ASTN2: variants seen among roughly 807,000 people sequenced by gnomAD.
The protein encoded by ASTN2 is astrotactin 2, also known as astrotactin-2.
A neutral mutation model predicts 139.8 loss-of-function variants in ASTN2; 54 were observed. The ratio of observed to expected loss-of-function variants is 0.39; its 90% CI spans 0.31 to 0.48. The LOEUF is 0.48. Ranked by LOEUF, ASTN2 falls within the 20% of genes least tolerant of loss-of-function variation. The pLI is 0.95. For missense variants in ASTN2, 1,565 were observed against 1,725.1 expected (o/e 0.91, Z 1.64); for synonymous variants, 756 against 719.5 (o/e 1.05, Z -0.81).
chr9:116,987,913 A>G (rs1836731835), intron 7 of ASTN2, among the ~76,000 whole-genome samples: 1 of 152,358 alleles, frequency 6.6e-6, no homozygotes. Context: ...TAGCATATAC[A>G]GCGTGGATAC....
intron 5 of ASTN2, among the ~76,000 whole-genome samples, chr9:117,049,004 C>T (rs987174978): frequency 9.5e-6 from 1 of 104,838 alleles, no homozygotes; most frequent in African/African-American, 3.2e-5. Context: ...GCTCTGTTGC[C>T]CTGGCTGGAG....
chr9:117,185,887 G>T (rs114686350), intron 3 of ASTN2, among the ~76,000 whole-genome samples: 11 of 152,198 alleles, frequency 7.2e-5, no homozygotes, highest in Non-Finnish European at 1.3e-4. Flanking sequence ...TGAGCCAATT[G>T]CTGTTATATC....
intron 13 of ASTN2, among the ~76,000 whole-genome samples, chr9:116,774,475 C>A (rs956763207): frequency 1.3e-5 from 2 of 152,106 alleles, no homozygotes; most frequent in Non-Finnish European, 2.9e-5. Context: ...TTATTATATA[C>A]CTTCTGTGGT....
In ASTN2 at chr9:116,618,448, C is replaced by T. The variant is rs769374160; in HGVS notation, c.3231G>A (p.Glu1077=). The T allele has an allele frequency of 9.9e-6, 16 of 1,613,440 alleles. No individual in the cohort carries two copies. Among genetic ancestry groups the T allele is most frequent in the Non-Finnish European group, 1.2e-5 (14 of 1,179,724 alleles). The part of the protein sequence containing the change: ...QPVLRLSPTV[E]PSSTVVSLEW... ...CCAAGGAGACCACAGTACTGGAGGG[C>T]TCCACTGTTGGGGACAGCCGCAGCC... is the stretch of plus-strand genomic sequence containing the variant. The change falls in exon 19 of 23, where the codon GAG becomes GAA. Residue 1077 remains glutamate (E), a synonymous_variant. Transcript: ENST00000313400.
At chr9:117,074,699 A>G (rs2132715055) in intron 5 of ASTN2, among the ~76,000 whole-genome samples, 1 of 152,306 alleles carries the variant, frequency 6.6e-6, no homozygotes, top group African/African-American at 2.4e-5. Context: ...GCAGGGTGCC[A>G]AGAACTATAC....
At chr9:116,778,964 G>C (rs1290871297) in intron 13 of ASTN2, among the ~76,000 whole-genome samples, 1 of 152,166 alleles carries the variant, frequency 6.6e-6, no homozygotes, top group Non-Finnish European at 1.5e-5. Context: ...GTTAGGTACA[G>C]TCAGAATGTA....
At chr9:116,623,746 C>T (rs1856293698) in intron 17 of ASTN2, among the ~76,000 whole-genome samples, 1 of 152,206 alleles carries the variant, frequency 6.6e-6, no homozygotes, top group East Asian at 1.9e-4. Flanking sequence ...TCAATACCCA[C>T]TTACAGAAAA....
chr9:116,704,472 A>G (rs1316666216), intron 16 of ASTN2, among the ~76,000 whole-genome samples: 1 of 152,200 alleles, frequency 6.6e-6, no homozygotes, highest in East Asian at 1.9e-4. Flanking sequence ...AAAATGAATG[A>G]CAGTTTATGT....
chr9:117,140,244 T>G (rs1252127220), intron 4 of ASTN2, among the ~76,000 whole-genome samples: 3 of 152,034 alleles, frequency 2.0e-5, no homozygotes, highest in African/African-American at 7.2e-5. Flanking sequence ...CACAACAATC[T>G]AGGAAAGACA....
At chr9:116,859,884 C>G (rs1176268598) in intron 11 of ASTN2, among the ~76,000 whole-genome samples, 1 of 152,234 alleles carries the variant, frequency 6.6e-6, no homozygotes, top group Non-Finnish European at 1.5e-5. Context: ...GAGCTCTAGA[C>G]AGCTTTCCTC....
rs114088480 is a variant in ASTN2, at chr9:116,802,009, G to C, written c.2396+3623C>G. On this transcript the variant is annotated intron_variant, in intron 13 of 22. Coordinates refer to ENST00000313400, the MANE Select transcript of ASTN2 (RefSeq NM_001365068.1). Reference sequence around the variant, plus strand: ...TGAGGCAGAACAATGACTTCTAATGGACCTAAAATTGTGTCTGGGACTGGA... The same window carrying C: ...TGAGGCAGAACAATGACTTCTAATGCACCTAAAATTGTGTCTGGGACTGGA... 5.7e-3 allele frequency among the ~76,000 whole-genome samples: 872 copies of C among 151,940 alleles called. 7 individuals carry two copies. The highest frequency in any genetic ancestry group is 0.02 in the African/African-American group (840 of 41,446).
chr9:117,045,601 T>G (rs1221545349), intron 5 of ASTN2, among the ~76,000 whole-genome samples: 1 of 152,204 alleles, frequency 6.6e-6, no homozygotes, highest in African/African-American at 2.4e-5. Flanking sequence ...ATCCACACAT[T>G]GCCTATAATT....
intron 2 of ASTN2, among the ~76,000 whole-genome samples, chr9:117,259,082 C>G (rs1046525060): frequency 2.0e-5 from 3 of 152,070 alleles, no homozygotes; most frequent in African/African-American, 7.2e-5. Flanking sequence ...GCTTTTCAGC[C>G]CTTCCACCCT....
chr9:116,956,075 T>C (rs143433325), intron 10 of ASTN2, among the ~76,000 whole-genome samples: 136 of 147,874 alleles, frequency 9.2e-4, no homozygotes, highest in African/African-American at 3.2e-3. Context: ...TAATCAGAAC[T>C]CTTTTTTCTT....
chr9:116,834,405 A>T (rs188299940), intron 11 of ASTN2, among the ~76,000 whole-genome samples: 1 of 152,326 alleles, frequency 6.6e-6, no homozygotes, highest in African/African-American at 2.4e-5. Context: ...GTATCCAACC[A>T]TCATTGTAGA....
chr9:117,058,726 A>G (rs1163312070), intron 5 of ASTN2, among the ~76,000 whole-genome samples: 2 of 152,312 alleles, frequency 1.3e-5, no homozygotes, highest in East Asian at 1.9e-4. Context: ...ACAGACATGG[A>G]CGCCATCCTC....
intron 13 of ASTN2, among the ~76,000 whole-genome samples, chr9:116,793,016 A>G (rs1208650014): frequency 1.3e-5 from 2 of 152,152 alleles, no homozygotes; most frequent in African/African-American, 4.8e-5. Flanking sequence ...GCACATGAGT[A>G]AAGGGATCAT....
intron 12 of ASTN2, among the ~76,000 whole-genome samples, 170 bp downstream of exon 12, chr9:116,820,447 A>G (rs1404676133): frequency 1.3e-5 from 2 of 152,198 alleles, no homozygotes; most frequent in South Asian, 2.1e-4. Flanking sequence ...CCCACCCAAC[A>G]GAAGGTTATA....
At chr9:116,975,612 T>G (rs1836321619) in intron 9 of ASTN2, among the ~76,000 whole-genome samples, 1 of 152,180 alleles carries the variant, frequency 6.6e-6, no homozygotes, top group Non-Finnish European at 1.5e-5. Context: ...TAGGGACCAT[T>G]GCCGCTCTGA....
Sources: allele counts gnomAD v4.1 joint callset (sites outside exome capture counted in the v4.1 genomes callset), GRCh38; gene constraint gnomAD v4.1.1; transcripts MANE v1.5; gene names NCBI Gene and HGNC (gene_info 2026-07-23, HGNC 2026-07-21).